CDH13: variants seen among roughly 807,000 people sequenced by gnomAD.
CDH13 encodes cadherin-13.
CDH13 carries 24 observed loss-of-function variants against 63.8 expected under a neutral mutation model. That is an observed-to-expected ratio of 0.38 (90% CI 0.27 to 0.53). The LOEUF is 0.53. CDH13 is among the 20% of genes least tolerant of loss of function. CDH13 has a pLI of 0.85. For synonymous variants in CDH13, 503 were observed against 355.3 expected, an observed-to-expected ratio of 1.42 and a Z score of -4.67; for missense variants, 1,049 against 903.1, an observed-to-expected ratio of 1.16 and a Z score of -2.07.
chr16:83,047,235 G>GTATC lies in CDH13; in HGVS notation c.366+15020_366+15021insCTAT, dbSNP rs1555570564. ...CCTCACTCTTACTCCAGAGGCCTGT[G>GTATC]TATTTATTTATTTATTTATTTTTTT... On this transcript the variant is annotated intron_variant, in intron 3 of 13. Coordinates refer to ENST00000567109, the MANE Select transcript of CDH13 (RefSeq NM_001257.5). The surrounding 1 kb of genome is among the most constrained non-coding windows in gnomAD (Gnocchi z 4.9). Among the ~76,000 whole-genome samples, 1 of 151,748 alleles carries GTATC rather than the reference G, an allele frequency of 6.6e-6. No homozygotes were observed. Among genetic ancestry groups the GTATC allele is most frequent in the Non-Finnish European group, 1.5e-5 (1 of 67,874 alleles).
At chr16:83,586,422 G>T (rs1906163142) in intron 7 of CDH13, among the ~76,000 whole-genome samples, 1 of 152,202 alleles carries the variant, frequency 6.6e-6, no homozygotes, top group South Asian at 2.1e-4. Context: ...ATGAAAAGGA[G>T]CCCTCCAAGG....
chr16:83,190,043 A>G (rs1287870448), intron 4 of CDH13, among the ~76,000 whole-genome samples: 1 of 152,172 alleles, frequency 6.6e-6, no homozygotes. Flanking sequence ...CTGTGAGTCA[A>G]TTAAACCTCT....
intron 3 of CDH13, among the ~76,000 whole-genome samples, chr16:83,058,565 G>C (rs149738888): frequency 6.6e-6 from 1 of 152,136 alleles, no homozygotes; most frequent in African/African-American, 2.4e-5. Context: ...AGCTGGTGAG[G>C]GCTGGACTTT....
chr16:83,740,759 T>A (rs1167646173), intron 10 of CDH13, among the ~76,000 whole-genome samples: 3 of 152,140 alleles, frequency 2.0e-5, no homozygotes. Context: ...CAGAAGGTCA[T>A]ACCTACATGA....
At chr16:83,693,036 C>G (rs1490936071) in intron 10 of CDH13, among the ~76,000 whole-genome samples, 1 of 152,142 alleles carries the variant, frequency 6.6e-6, no homozygotes, top group Non-Finnish European at 1.5e-5. Context: ...TGAGCTGAGA[C>G]TGCACCACTA....
At chr16:83,488,916 C>T (rs1448760941) in intron 7 of CDH13, among the ~76,000 whole-genome samples, 4 of 152,158 alleles carry the variant, frequency 2.6e-5, no homozygotes, top group East Asian at 1.9e-4. Context: ...TGAGCCACTG[C>T]GCCCGGCCAA....
intron 2 of CDH13, among the ~76,000 whole-genome samples, chr16:82,924,638 C>T (rs74033624): frequency 6.6e-6 from 1 of 152,190 alleles, no homozygotes; most frequent in African/African-American, 2.4e-5. Flanking sequence ...AGATAAAGCC[C>T]GGGAGCACTA....
chr16:83,490,715 A>G lies in CDH13; in HGVS notation c.960+4060A>G, dbSNP rs867984196. ...ATCTGTTGAGAGTTGAAAGGCGGGA[A>G]GGAAGTGAGGAAGACAGCGTGATTC... On this transcript the variant is annotated intron_variant, in intron 7 of 13. Coordinates refer to ENST00000567109, the MANE Select transcript of CDH13 (RefSeq NM_001257.5). Among the ~76,000 whole-genome samples, 153 of 152,354 alleles carry G rather than the reference A, an allele frequency of 1.0e-3. 1 individual carries two copies. The highest frequency in any genetic ancestry group is 3.5e-3 in the African/African-American group (146 of 41,588).
At chr16:82,725,143 G>T (rs181783740) in intron 1 of CDH13, among the ~76,000 whole-genome samples, 56 of 152,276 alleles carry the variant, frequency 3.7e-4, no homozygotes, top group Admixed American at 1.6e-3. Context: ...CATGGTGATG[G>T]TGATGATGAC....
chr16:83,448,661 G>T (rs112951876), intron 6 of CDH13, among the ~76,000 whole-genome samples: 3 of 152,110 alleles, frequency 2.0e-5, no homozygotes, highest in Non-Finnish European at 2.9e-5. Context: ...TTATAGAATT[G>T]GTCAATTTTT....
chr16:83,721,157 G>A (rs1038811540), intron 10 of CDH13: 2 of 152,278 alleles, frequency 1.3e-5, no homozygotes, highest in South Asian at 2.1e-4. Context: ...CTCCTTTGAG[G>A]CTTGACCAAT....
intron 2 of CDH13, among the ~76,000 whole-genome samples, chr16:82,903,546 C>T (rs1198306519): frequency 1.3e-5 from 2 of 152,194 alleles, no homozygotes; most frequent in Non-Finnish European, 2.9e-5. Flanking sequence ...TTCTCTGACG[C>T]TTAGGACTTG....
At chr16:82,931,510 C>T (rs1277053470) in intron 2 of CDH13, among the ~76,000 whole-genome samples, 5 of 125,434 alleles carry the variant, frequency 4.0e-5, no homozygotes, top group Non-Finnish European at 6.6e-5. Flanking sequence ...TTGAGGTCCC[C>T]CCCTTTTTTT....
intron 6 of CDH13, among the ~76,000 whole-genome samples, chr16:83,352,124 G>T (rs764153343): frequency 1.3e-5 from 2 of 152,164 alleles, no homozygotes; most frequent in Admixed American, 6.5e-5. Context: ...GAGCCCTTGA[G>T]CTTGGAGGAG....
chr16:83,004,480 G>A (rs556172295), intron 2 of CDH13, among the ~76,000 whole-genome samples: 5 of 152,208 alleles, frequency 3.3e-5, no homozygotes, highest in African/African-American at 1.2e-4. Context: ...TGAATGTCAT[G>A]CAAGGACCCC....
chr16:82,969,951 A>G (rs1031357920), intron 2 of CDH13, among the ~76,000 whole-genome samples: 1 of 143,534 alleles, frequency 7.0e-6, no homozygotes, highest in African/African-American at 2.6e-5. Context: ...TTTTTTTTTT[A>G]TTATACTTTA....
chr16:83,265,781 C>G (rs898430381), intron 5 of CDH13, among the ~76,000 whole-genome samples: 1 of 87,696 alleles, frequency 1.1e-5, no homozygotes, highest in African/African-American at 4.7e-5. Flanking sequence ...AAGGGTTGTT[C>G]ACATTCTTTG....
intron 2 of CDH13, among the ~76,000 whole-genome samples, chr16:82,881,471 C>T (rs982968225): frequency 2.6e-5 from 4 of 152,144 alleles, no homozygotes; most frequent in African/African-American, 9.7e-5. Flanking sequence ...GGAGCCAAGC[C>T]TGTATAACTC....
intron 5 of CDH13, among the ~76,000 whole-genome samples, chr16:83,267,617 C>T (rs916621469): frequency 6.6e-6 from 1 of 152,104 alleles, no homozygotes; most frequent in Admixed American, 6.5e-5. Flanking sequence ...CGGGAGTGGG[C>T]TCCCGGTAAA....
Sources: allele counts gnomAD v4.1 joint callset (sites outside exome capture counted in the v4.1 genomes callset), GRCh38; gene constraint gnomAD v4.1.1; non-coding constraint Gnocchi (gnomAD v3.1); transcripts MANE v1.5; gene names NCBI Gene and HGNC (gene_info 2026-07-23, HGNC 2026-07-21).